PLPP7: variants seen among roughly 807,000 people sequenced by gnomAD.
The protein encoded by PLPP7 is inactive phospholipid phosphatase 7.
PLPP7 carries 11 observed loss-of-function variants against 16.9 expected under a neutral mutation model. The observed-to-expected ratio is 0.65, with a 90% CI of 0.41 to 1.08. PLPP7 has a LOEUF of 1.08. PLPP7 is among the 50% of genes least tolerant of loss of function. The probability of loss-of-function intolerance (pLI) is 0.00; values close to 1 mark genes in which losing one functional copy is unlikely to be tolerated. For missense variants in PLPP7, 358 were observed against 397.1 expected, an observed-to-expected ratio of 0.90 and a Z score of 0.84; for synonymous variants, 174 against 175.1, an observed-to-expected ratio of 0.99 and a Z score of 0.05.
At chr9:131,301,461 T>TG (rs926245086) in intron 1 of PLPP7, among the ~76,000 whole-genome samples, 62 of 152,308 alleles carry the variant, frequency 4.1e-4, no homozygotes, top group African/African-American at 1.4e-3. Flanking sequence ...ACCCAGACCC[T>TG]GGCTGGCCAC....
In PLPP7 at chr9:131,290,058, G is replaced by A; in HGVS notation, c.61G>A (p.Glu21Lys). 6.8e-7 allele frequency: 1 copy of A among 1,478,414 alleles called. No individual in the cohort carries two copies. Among genetic ancestry groups the A allele is most frequent in the East Asian group, 2.5e-5 (1 of 39,958 alleles). The allele number at this position is 1,478,414 out of a possible 1,614,324, so 91.6% of individuals were successfully genotyped here. A position where few individuals can be genotyped will look rare whatever the true frequency, so the allele number is the denominator to read the frequency against. ...RDRNNVLNRA[E>K]FLSLNQPPKG... The stretch of plus-strand genomic sequence containing the variant: ...CCGCAACAACGTCCTCAACCGGGCT[G>A]AGTTCCTGTCCCTGAACCAGCCCCC... Residue 21 changes from glutamate (E) to lysine (K), a missense_variant, in exon 1 of 2, where the codon GAG becomes AAG. Transcript: ENST00000372264. This position sits in a 1 kb window ranked among gnomAD's most constrained non-coding sequence, Gnocchi z 4.2.
chr9:131,300,511 A>G (rs1169552805), intron 1 of PLPP7, among the ~76,000 whole-genome samples: 1 of 151,862 alleles, frequency 6.6e-6, no homozygotes, highest in Non-Finnish European at 1.5e-5. Flanking sequence ...AAACTGAGAT[A>G]CTGTCTCTAC....
chr9:131,290,046 C>A lies in PLPP7; in HGVS notation c.49C>A (p.Leu17Ile). The change falls in exon 1 of 2, where the codon CTC becomes ATC. Residue 17 changes from leucine (L) to isoleucine (I), a missense_variant. Coordinates refer to ENST00000372264, the MANE Select transcript of PLPP7 (RefSeq NM_032728.4). This position sits in a 1 kb window ranked among gnomAD's most constrained non-coding sequence, Gnocchi z 4.2. Reference sequence around the variant, plus strand: ...CCGTGCCCGGGACCGCAACAACGTCCTCAACCGGGCTGAGTTCCTGTCCCT... The same window carrying A: ...CCGTGCCCGGGACCGCAACAACGTCATCAACCGGGCTGAGTTCCTGTCCCT... ...RARARDRNNV[L>I]NRAEFLSLNQ... The A allele has an allele frequency of 6.8e-7, 1 of 1,463,278 alleles. No individual in the cohort carries two copies. The highest frequency in any genetic ancestry group is 9.0e-7 in the Non-Finnish European group (1 of 1,111,886). 90.6% of individuals were successfully genotyped at this position (1,463,278 alleles called of 1,614,324 possible). A position where few individuals can be genotyped will look rare whatever the true frequency, so the allele number is the denominator to read the frequency against.
At chr9:131,293,626 C>T (rs1835706002) in intron 1 of PLPP7, among the ~76,000 whole-genome samples, 1 of 152,206 alleles carries the variant, frequency 6.6e-6, no homozygotes, top group Non-Finnish European at 1.5e-5. Context: ...TGGAGGGCAC[C>T]CTTCAACCCT....
At chr9:131,300,944 G>A (rs1044599342) in intron 1 of PLPP7, among the ~76,000 whole-genome samples, 5 of 152,024 alleles carry the variant, frequency 3.3e-5, no homozygotes, top group Non-Finnish European at 7.4e-5. Flanking sequence ...GTGCTGGAAA[G>A]GCAGATTTTA....
Position 131,301,572 on chromosome 9 carries a change from CCCTGGTGGGA to C in PLPP7, c.452-6347_452-6338del, listed in dbSNP as rs1357866718. On this transcript the variant is annotated intron_variant, in intron 1 of 1. Coordinates refer to ENST00000372264, the MANE Select transcript of PLPP7 (RefSeq NM_032728.4). ...TGGAACCTGGGCCAGACAATTTTGA[CCCTGGTGGGA>C]CCTTAGGAAAAAAAGCCTTCGCTGG... Among the ~76,000 whole-genome samples, 4 of 152,172 alleles carry C rather than the reference CCCTGGTGGGA, an allele frequency of 2.6e-5. No individual in the cohort carries two copies. The East Asian group carries it at 7.7e-4, about 29-fold the overall frequency.
At position 131,290,126 on chromosome 9, in the gene PLPP7, G is replaced by C. The variant is rs1185845763; in HGVS notation, c.129G>C (p.Ser43=). Residue 43 remains serine (S), a synonymous_variant, in exon 1 of 2, where the codon TCG becomes TCC. Transcript: ENST00000372264. The surrounding 1 kb of genome is among the most constrained non-coding windows in gnomAD (Gnocchi z 4.2). The stretch of plus-strand genomic sequence containing the variant: ...CCCGCAGCTCGGGCAGAAAGGCCTC[G>C]GGCCCATCAGCACAGCCCCCACCTG... ...PEPRSSGRKA[S]GPSAQPPPAG... is the part of the protein sequence containing the mutation. The C allele has an allele frequency of 1.3e-6, 2 of 1,554,038 alleles. No individual in the cohort carries two copies. The highest frequency in any genetic ancestry group is 8.7e-7 in the Non-Finnish European group (1 of 1,148,332).
At chr9:131,293,205 C>G (rs1015646090) in intron 1 of PLPP7, among the ~76,000 whole-genome samples, 18 of 150,902 alleles carry the variant, frequency 1.2e-4, no homozygotes, top group African/African-American at 3.9e-4. Flanking sequence ...TGACTGCAAA[C>G]CCCCCCACTC....
Position 131,290,135 on chromosome 9 carries a change from A to G in PLPP7, c.138A>G (p.Ser46=), listed in dbSNP as rs1835649090. ...RSSGRKASGP[S]AQPPPAGDGA... ...CGGGCAGAAAGGCCTCGGGCCCATC[A>G]GCACAGCCCCCACCTGCTGGTGACG... The change falls in exon 1 of 2, where the codon TCA becomes TCG. Residue 46 remains serine (S), a synonymous_variant. Transcript: ENST00000372264. This position sits in a 1 kb window ranked among gnomAD's most constrained non-coding sequence, Gnocchi z 4.2. 1 of 1,563,558 alleles carries G rather than the reference A, an allele frequency of 6.4e-7. No individual in the cohort carries two copies.
intron 1 of PLPP7, among the ~76,000 whole-genome samples, chr9:131,297,666 G>A (rs893688404): frequency 6.6e-6 from 1 of 152,200 alleles, no homozygotes; most frequent in Non-Finnish European, 1.5e-5. Flanking sequence ...GATTACAGGC[G>A]TGAGCCACTG....
intron 1 of PLPP7, among the ~76,000 whole-genome samples, chr9:131,304,995 G>C (rs1320295282): frequency 6.6e-6 from 1 of 152,196 alleles, no homozygotes; most frequent in Non-Finnish European, 1.5e-5. Context: ...TCAGGTATGA[G>C]TGCTCTGAGC....
At chr9:131,303,192 C>T (rs753032323) in intron 1 of PLPP7, among the ~76,000 whole-genome samples, 6 of 151,928 alleles carry the variant, frequency 3.9e-5, no homozygotes, top group Admixed American at 6.6e-5. Context: ...ATTAGCTGGG[C>T]GTGGTAGCAC....
chr9:131,305,577 CTCTTTT>C (rs1257926591), intron 1 of PLPP7, among the ~76,000 whole-genome samples: 4 of 151,908 alleles, frequency 2.6e-5, no homozygotes, highest in Admixed American at 2.6e-4. Context: ...CCCTCTCTCT[CTCTTTT>C]TAAGACAGGG....
chr9:131,292,429 T>G (rs1015358202), intron 1 of PLPP7, among the ~76,000 whole-genome samples: 2 of 152,230 alleles, frequency 1.3e-5, no homozygotes, highest in Non-Finnish European at 2.9e-5. Context: ...ACTTCTGATC[T>G]TCACCATAAC....
intron 1 of PLPP7, among the ~76,000 whole-genome samples, chr9:131,306,316 C>T (rs1191903): frequency 6.6e-6 from 1 of 151,770 alleles, no homozygotes; most frequent in Admixed American, 6.6e-5. Context: ...CCAAGGCAAG[C>T]GGATCACTTG....
chr9:131,290,681 A>G lies in PLPP7; in HGVS notation c.451+233A>G, dbSNP rs1486472926. On this transcript the variant is annotated intron_variant, in intron 1 of 1. Coordinates refer to ENST00000372264, the MANE Select transcript of PLPP7 (RefSeq NM_032728.4). The surrounding 1 kb of genome is among the most constrained non-coding windows in gnomAD (Gnocchi z 4.2). ...CACATGCCAAATGAAGACAGAGGCCATTGCGGCCCTGTGAGAAGGACCTGC... is the reference window on the plus strand; with the variant it reads ...CACATGCCAAATGAAGACAGAGGCCGTTGCGGCCCTGTGAGAAGGACCTGC... Among the ~76,000 whole-genome samples the G allele has an allele frequency of 1.3e-5, 2 of 152,216 alleles. 1 individual carries two copies. The highest frequency in any genetic ancestry group is 2.9e-5 in the Non-Finnish European group (2 of 68,038).
rs1301532739 is a variant in PLPP7 at position 131,289,747 on chromosome 9, G to T, written c.-251G>T. 5.1e-6 allele frequency: 2 copies of T among 391,596 alleles called. No homozygotes were observed. The highest frequency in any genetic ancestry group is 9.0e-6 in the Non-Finnish European group (2 of 222,142). 24.3% of individuals were successfully genotyped at this position (391,596 alleles called of 1,614,324 possible). Reference sequence around the variant, plus strand: ...CGCAGCTGTGGACTCCTCACCTCCCGGAGGCTCTGCTGGTGCAGGCCCCGC... The same window carrying T: ...CGCAGCTGTGGACTCCTCACCTCCCTGAGGCTCTGCTGGTGCAGGCCCCGC... On this transcript the variant is annotated 5_prime_UTR_variant, in exon 1 of 2. Transcript: ENST00000372264.
Position 131,308,003 on chromosome 9 carries a change from C to T in PLPP7, c.532C>T (p.Leu178Phe). The change falls in exon 2 of 2, where the codon CTC (leucine) becomes TTC (phenylalanine). Residue 178 changes from leucine (L) to phenylalanine (F), a missense_variant. Coordinates refer to ENST00000372264, the MANE Select transcript of PLPP7 (RefSeq NM_032728.4). ...RRGPYETSPS[L>F]LDYLTMDIYA... ...CGGCCCGTACGAGACGAGCCCCAGCCTCCTGGACTACCTCACCATGGACAT... is the reference window on the plus strand; with the variant it reads ...CGGCCCGTACGAGACGAGCCCCAGCTTCCTGGACTACCTCACCATGGACAT... 2 of 1,600,898 alleles carry T rather than the reference C, an allele frequency of 1.2e-6. No individual in the cohort carries two copies. Among genetic ancestry groups the T allele is most frequent in the South Asian group, 1.1e-5 (1 of 91,072 alleles).
rs913422476 is a variant in PLPP7, at chr9:131,295,252, C to T, written c.451+4804C>T. ...CACAGCAACCTCTGCCTCCCTGGTTCAAGTGATTCTCCTGCCTCACCCTCC... is the reference window on the plus strand; with the variant it reads ...CACAGCAACCTCTGCCTCCCTGGTTTAAGTGATTCTCCTGCCTCACCCTCC... On this transcript the variant is annotated intron_variant, in intron 1 of 1. Transcript: ENST00000372264. The surrounding 1 kb of genome is among the most constrained non-coding windows in gnomAD (Gnocchi z 4.0). 2.0e-5 allele frequency among the ~76,000 whole-genome samples: 3 copies of T among 151,972 alleles called. No homozygotes were observed. The highest frequency in any genetic ancestry group is 4.4e-5 in the Non-Finnish European group (3 of 68,000).
Sources: allele counts gnomAD v4.1 joint callset (sites outside exome capture counted in the v4.1 genomes callset), GRCh38; gene constraint gnomAD v4.1.1; non-coding constraint Gnocchi (gnomAD v3.1); transcripts MANE v1.5; gene names NCBI Gene and HGNC (gene_info 2026-07-23, HGNC 2026-07-21).